CHD6: variants seen among roughly 807,000 people sequenced by gnomAD.
CHD6 encodes ATP-dependent chromatin remodeler CHD6.
Under a neutral mutation model 276.9 loss-of-function variants are expected in CHD6, and 50 were observed. That is an observed-to-expected ratio of 0.18 (90% CI 0.14 to 0.23). CHD6 has a LOEUF of 0.23. CHD6 is among the 10% of genes least tolerant of loss of function. CHD6 has a pLI of 1.00. For missense variants in CHD6, 2,564 were observed against 3,365.8 expected, an observed-to-expected ratio of 0.76 and a Z score of 5.89; for synonymous variants, 1,173 against 1,229.3, an observed-to-expected ratio of 0.95 and a Z score of 0.96.
intron 27 of CHD6, among the ~76,000 whole-genome samples, chr20:41,428,272 T>C (rs755446027): frequency 1.3e-5 from 2 of 152,202 alleles, no homozygotes; most frequent in Non-Finnish European, 2.9e-5. Flanking sequence ...CCTAGTTTGT[T>C]AGTAGCTCAA....
chr20:41,559,091 C>T (rs1358318871), intron 1 of CHD6, among the ~76,000 whole-genome samples: 1 of 151,846 alleles, frequency 6.6e-6, no homozygotes, highest in East Asian at 1.9e-4. Flanking sequence ...TGCTGTTTTG[C>T]TTAAAGTAAG....
intron 1 of CHD6, among the ~76,000 whole-genome samples, chr20:41,557,694 C>T (rs2045256171): frequency 6.6e-6 from 1 of 152,130 alleles, no homozygotes; most frequent in South Asian, 2.1e-4. Flanking sequence ...CAGACCCCTA[C>T]CAAGGTCCTT....
chr20:41,472,464 C>G (rs926340580), intron 17 of CHD6, among the ~76,000 whole-genome samples: 1 of 152,138 alleles, frequency 6.6e-6, no homozygotes, highest in Admixed American at 6.5e-5. Flanking sequence ...ACCCACCCAC[C>G]TTCTTCACCA....
chr20:41,484,324 G>A, intron 15 of CHD6, 28 bp downstream of exon 15: 1 of 1,612,552 alleles, frequency 6.2e-7, no homozygotes, highest in Non-Finnish European at 8.5e-7. Context: ...TGGCAGTCCT[G>A]AGTTACTTCC....
In CHD6 at chr20:41,447,971, T is replaced by C. The variant is rs757707368; in HGVS notation, c.3684A>G (p.Lys1228=). 1 of 1,598,318 alleles carries C rather than the reference T, an allele frequency of 6.3e-7. No homozygotes were observed. Among genetic ancestry groups the C allele is most frequent in the East Asian group, 2.2e-5 (1 of 44,554 alleles). Residue 1228 remains lysine (K), a splice_region_variant and synonymous_variant, in exon 24 of 37, where the codon AAA becomes AAG. Coordinates refer to ENST00000373233, the MANE Select transcript of CHD6 (RefSeq NM_032221.5). ...ACAGCATCCGGACTCGCAAAAGTAC[T>C]CTATGAAAGGTGAACACATTAATGC... ...YKKHLKQHCN[K]VLLRVRMLYY... is the part of the protein sequence containing the mutation.
chr20:41,514,839 C>T lies in CHD6; in HGVS notation c.668G>A (p.Ser223Asn). ...DQGLTNPSLR[S>N]PEESTESTDS... is the part of the protein sequence containing the mutation. Reference sequence around the variant, plus strand: ...TGTAGACTCAGTGGACTCCTCAGGACTCCGCAGAGATGGGTTCGTCAGGCC... The same window carrying T: ...TGTAGACTCAGTGGACTCCTCAGGATTCCGCAGAGATGGGTTCGTCAGGCC... The change falls in exon 4 of 37, where the codon AGT (serine) becomes AAT (asparagine). Residue 223 changes from serine to asparagine, a missense_variant. Ser to Asn is a conservative substitution (Grantham distance 46). Transcript: ENST00000373233. The T allele has an allele frequency of 6.2e-7, 1 of 1,614,038 alleles. No homozygotes were observed. Among genetic ancestry groups the T allele is most frequent in the South Asian group, 1.1e-5 (1 of 91,072 alleles).
At chr20:41,435,961 A>T (rs1488742549) in intron 27 of CHD6, among the ~76,000 whole-genome samples, 2 of 152,156 alleles carry the variant, frequency 1.3e-5, no homozygotes, top group Admixed American at 1.3e-4. Context: ...ACCCACAAAT[A>T]TGCCAAACTG....
In CHD6 at chr20:41,566,149, C is replaced by T. The variant is rs140932774; in HGVS notation, c.-23-14789G>A. The stretch of plus-strand genomic sequence containing the variant: ...AATTTAACTGGTCTGAGGTGACACC[C>T]CACATAATTTTCTAAACTCTCTCAG... On this transcript the variant is annotated intron_variant, in intron 1 of 36. Coordinates refer to ENST00000373233, the MANE Select transcript of CHD6 (RefSeq NM_032221.5). Among the ~76,000 whole-genome samples the T allele has an allele frequency of 5.4e-4, 82 of 152,258 alleles. No homozygotes were observed. The East Asian group carries it at 0.012, about 23-fold the overall frequency.
intron 25 of CHD6, 48 bp from the exon 26 acceptor site, chr20:41,440,177 A>G (rs1372534921): frequency 3.2e-6 from 5 of 1,583,184 alleles, no homozygotes; most frequent in African/African-American, 1.3e-5. Context: ...AGAACTCACA[A>G]TATTTGCTTT....
intron 1 of CHD6, among the ~76,000 whole-genome samples, chr20:41,563,013 G>C (rs2294579): frequency 0.021 from 3,273 of 152,276 alleles, 43 homozygotes; most frequent in South Asian, 0.039. Context: ...GGTCTGAAAG[G>C]ATGCATTACC....
At chr20:41,513,019 G>A (rs1177902429) in intron 4 of CHD6, 24 bp from the exon 5 acceptor site, 3 of 1,613,658 alleles carry the variant, frequency 1.9e-6, no homozygotes, top group African/African-American at 2.7e-5. Flanking sequence ...ACACCCGTCA[G>A]AGAAGCTCTC....
At chr20:41,527,323 C>G (rs555506735) in intron 3 of CHD6, among the ~76,000 whole-genome samples, 6 of 152,152 alleles carry the variant, frequency 3.9e-5, no homozygotes, top group African/African-American at 1.4e-4. Flanking sequence ...ACTCGGGAGG[C>G]TGAAGCAGAA....
In CHD6 at chr20:41,452,171, G is replaced by T; in HGVS notation, c.3324-146C>A. On this transcript the variant is annotated intron_variant, in intron 21 of 36. Coordinates refer to ENST00000373233, the MANE Select transcript of CHD6 (RefSeq NM_032221.5). This position sits in a 1 kb window ranked among gnomAD's most constrained non-coding sequence, Gnocchi z 4.2. ...CATCCCAAGGGCTTTGTCCCGAAAG[G>T]CCTTTGAGGACCACCTGACTGTAGC... 1 of 677,526 alleles carries T rather than the reference G, an allele frequency of 1.5e-6. No individual in the cohort carries two copies. Among genetic ancestry groups the T allele is most frequent in the Non-Finnish European group, 2.6e-6 (1 of 383,660 alleles). 42.0% of individuals were successfully genotyped at this position (677,526 alleles called of 1,614,324 possible). A position where few individuals can be genotyped will look rare whatever the true frequency, so the allele number is the denominator to read the frequency against.
At position 41,514,877 on chromosome 20, in the gene CHD6, T is replaced by G. The variant is rs201606562; in HGVS notation, c.630A>C (p.Leu210Phe). The G allele has an allele frequency of 1.1e-5, 18 of 1,614,098 alleles. No homozygotes were observed. Among genetic ancestry groups the G allele is most frequent in the Middle Eastern group, 3.3e-4 (2 of 6,060 alleles). The change falls in exon 4 of 37, where the codon TTA becomes TTC. Residue 210 changes from leucine to phenylalanine, a missense_variant. Leu to Phe is a conservative substitution (Grantham distance 22). Coordinates refer to ENST00000373233, the MANE Select transcript of CHD6 (RefSeq NM_032221.5). ...KRKSETTVES[L>F]ELDQGLTNPS... ...GGTTCGTCAGGCCCTGATCCAGCTCTAAACTCTCCACTGTAGTTTCACTTT... is the reference window on the plus strand; with the variant it reads ...GGTTCGTCAGGCCCTGATCCAGCTCGAAACTCTCCACTGTAGTTTCACTTT...
In CHD6 at chr20:41,493,920, C is replaced by T. The variant is rs1380060475; in HGVS notation, c.1117G>A (p.Asp373Asn). ...TEPDEDLFNPDYVEVDRILEV... is the reference protein window; with the variant it reads ...TEPDEDLFNPNYVEVDRILEV... Reference sequence around the variant, plus strand: ...AAGATGCGATCAACTTCTACATAGTCTGGATTGAACAAGTCTTCATCAGGC... The same window carrying T: ...AAGATGCGATCAACTTCTACATAGTTTGGATTGAACAAGTCTTCATCAGGC... The change falls in exon 9 of 37, where the codon GAC becomes AAC. Residue 373 changes from aspartate to asparagine, a missense_variant. Physicochemically the swap from Asp to Asn is conservative, Grantham distance 23. This residue lies in a region of CHD6 where 457 missense variants were observed against 889.0 expected (regional missense o/e 0.51). Coordinates refer to ENST00000373233, the MANE Select transcript of CHD6 (RefSeq NM_032221.5). 6.2e-7 allele frequency: 1 copy of T among 1,613,918 alleles called. No homozygotes were observed. The highest frequency in any genetic ancestry group is 1.1e-5 in the South Asian group (1 of 91,074).
chr20:41,489,672 C>T, intron 12 of CHD6, 106 bp downstream of exon 12: 1 of 1,412,658 alleles, frequency 7.1e-7, no homozygotes, highest in South Asian at 1.2e-5. Context: ...AAAGTCATTC[C>T]ACATTAATAC....
chr20:41,563,798 C>A (rs138194520), intron 1 of CHD6, among the ~76,000 whole-genome samples: 1 of 152,268 alleles, frequency 6.6e-6, no homozygotes, highest in East Asian at 1.9e-4. Flanking sequence ...GGAATGAACA[C>A]AGCTGTGAAC....
At chr20:41,569,715 T>C (rs1202870722) in intron 1 of CHD6, among the ~76,000 whole-genome samples, 3 of 152,196 alleles carry the variant, frequency 2.0e-5, no homozygotes, top group South Asian at 2.1e-4. Flanking sequence ...ATAAGGCAAT[T>C]AAAATATAAA....
chr20:41,525,535 T>A (rs1205792312), intron 3 of CHD6, among the ~76,000 whole-genome samples: 1 of 152,206 alleles, frequency 6.6e-6, no homozygotes, highest in Admixed American at 6.5e-5. Context: ...CTGGACTTCT[T>A]TGTCCAGAAA....
Sources: allele counts gnomAD v4.1 joint callset (sites outside exome capture counted in the v4.1 genomes callset), GRCh38; gene constraint gnomAD v4.1.1; regional missense constraint gnomAD v4.1.1; non-coding constraint Gnocchi (gnomAD v3.1); transcripts MANE v1.5; gene names NCBI Gene and HGNC (gene_info 2026-07-23, HGNC 2026-07-21).